Variants in TMEM163 observed in about 807,000 individuals in gnomAD.
TMEM163 encodes the protein transmembrane protein 163.
TMEM163 carries 17 observed loss-of-function variants against 29.3 expected under a neutral mutation model. The observed-to-expected ratio is 0.58, with a 90% CI of 0.40 to 0.87. The LOEUF (loss-of-function observed/expected upper bound fraction) is 0.87. Among genes scored for constraint, TMEM163 ranks in the 40% least tolerant of loss-of-function variants. The pLI is 0.00. For synonymous variants in TMEM163, 157 were observed against 160.6 expected (o/e 0.98, Z 0.17); for missense variants, 303 against 381.5 (o/e 0.79, Z 1.71).
chr2:134,661,264 G>A (rs943860844), intron 2 of TMEM163, among the ~76,000 whole-genome samples: 4 of 152,174 alleles, frequency 2.6e-5, no homozygotes, highest in African/African-American at 9.7e-5. Context: ...AGATGCTGGT[G>A]CCTTGATCTT....
At chr2:134,650,917 C>T (rs1038817736) in intron 2 of TMEM163, among the ~76,000 whole-genome samples, 2 of 127,554 alleles carry the variant, frequency 1.6e-5, no homozygotes, top group Non-Finnish European at 1.6e-5. Flanking sequence ...TGTATATGTG[C>T]CACATTTTCT....
rs557503320 is a variant in TMEM163, at chr2:134,716,848, G to A, written c.202+1886C>T. ...ACCACATACTGGTTGCCATCAGGAA[G>A]AGGTCAAACAAAAGAATGTCACATT... On this transcript the variant is annotated intron_variant, in intron 1 of 7. Coordinates refer to ENST00000281924, the MANE Select transcript of TMEM163 (RefSeq NM_030923.5). Among the ~76,000 whole-genome samples, 5 of 152,312 alleles carry A rather than the reference G, an allele frequency of 3.3e-5. No individual in the cohort carries two copies. The East Asian group carries it at 9.7e-4, about 29-fold the overall frequency.
chr2:134,545,477 C>T (rs1403657736), intron 4 of TMEM163, among the ~76,000 whole-genome samples: 2 of 152,152 alleles, frequency 1.3e-5, no homozygotes, highest in Admixed American at 6.5e-5. Flanking sequence ...GGTGGCTGCC[C>T]CCAGCTTCCT....
intron 2 of TMEM163, among the ~76,000 whole-genome samples, chr2:134,607,066 G>A (rs1324760363): frequency 7.4e-6 from 1 of 135,234 alleles, no homozygotes; most frequent in African/African-American, 2.8e-5. Context: ...CTGTGCTGGT[G>A]AAAAGGAGGA....
chr2:134,692,652 A>G (rs561813975), intron 2 of TMEM163, among the ~76,000 whole-genome samples: 2 of 152,230 alleles, frequency 1.3e-5, no homozygotes, highest in South Asian at 4.2e-4. Context: ...TCCTCAGTGC[A>G]GAGGGTGGAG....
chr2:134,482,778 A>G (rs148677188), intron 5 of TMEM163, among the ~76,000 whole-genome samples: 1 of 152,284 alleles, frequency 6.6e-6, no homozygotes, highest in East Asian at 1.9e-4. Flanking sequence ...ATGGCTTTAC[A>G]ATTTTTAAAT....
At chr2:134,519,824 A>T (rs982394296) in intron 4 of TMEM163, among the ~76,000 whole-genome samples, 19 of 148,740 alleles carry the variant, frequency 1.3e-4, no homozygotes, top group Non-Finnish European at 1.0e-4. Flanking sequence ...TGGGAGGTGG[A>T]GGCAGGAGTG....
At chr2:134,570,788 C>A (rs1195140875) in intron 2 of TMEM163, among the ~76,000 whole-genome samples, 1 of 152,020 alleles carries the variant, frequency 6.6e-6, no homozygotes, top group Non-Finnish European at 1.5e-5. Flanking sequence ...GGGCTAGGAC[C>A]CTTTGGGGTC....
chr2:134,696,671 T>A (rs1342375904), intron 2 of TMEM163, among the ~76,000 whole-genome samples: 4 of 152,240 alleles, frequency 2.6e-5, no homozygotes, highest in Admixed American at 1.3e-4. Context: ...AAATTAAAAA[T>A]GTATTGCTGT....
chr2:134,675,831 C>T (rs1476440069), intron 2 of TMEM163, among the ~76,000 whole-genome samples: 1 of 152,200 alleles, frequency 6.6e-6, no homozygotes, highest in Non-Finnish European at 1.5e-5. Context: ...AAAGCAATCA[C>T]TGATGATTAG....
chr2:134,533,352 T>C (rs961558965), intron 4 of TMEM163, among the ~76,000 whole-genome samples: 2 of 152,132 alleles, frequency 1.3e-5, no homozygotes, highest in African/African-American at 4.8e-5. Context: ...TAGTTGTGTG[T>C]TTGTGTGTGT....
chr2:134,509,081 T>C (rs1157689697), intron 4 of TMEM163, among the ~76,000 whole-genome samples: 1 of 152,152 alleles, frequency 6.6e-6, no homozygotes, highest in Non-Finnish European at 1.5e-5. Context: ...GGGACAAAAG[T>C]CAGCATGAGG....
At position 134,696,361 on chromosome 2, in the gene TMEM163, C is replaced by T. The variant is rs532152508; in HGVS notation, c.322+16839G>A. On this transcript the variant is annotated intron_variant, in intron 2 of 7. Coordinates refer to ENST00000281924, the MANE Select transcript of TMEM163 (RefSeq NM_030923.5). Reference sequence around the variant, plus strand: ...TTTTGAGATATATATGCACCTTGTTCTTGAAAATTATCTTGACTATTCTTA... The same window carrying T: ...TTTTGAGATATATATGCACCTTGTTTTTGAAAATTATCTTGACTATTCTTA... 1.4e-4 allele frequency among the ~76,000 whole-genome samples: 21 copies of T among 152,260 alleles called. 1 individual carries two copies. The highest frequency in any genetic ancestry group is 1.2e-3 in the Admixed American group (18 of 15,290).
At position 134,515,424 on chromosome 2, in the gene TMEM163, A is replaced by T. The variant is rs1574196825; in HGVS notation, c.459-12427T>A. ...TTTTATTTATTTTGATTCCTATAAA[A>T]ATACTCCATAATTTCCTTAGTAACC... On this transcript the variant is annotated intron_variant, in intron 4 of 7. Coordinates refer to ENST00000281924, the MANE Select transcript of TMEM163 (RefSeq NM_030923.5). Among the ~76,000 whole-genome samples the T allele has an allele frequency of 2.0e-5, 3 of 152,292 alleles. No individual in the cohort carries two copies. In the East Asian group the frequency reaches 5.8e-4, roughly 29 times the overall value.
intron 5 of TMEM163, among the ~76,000 whole-genome samples, chr2:134,476,086 T>C (rs970769342): frequency 6.6e-6 from 1 of 152,316 alleles, no homozygotes; most frequent in South Asian, 2.1e-4. Context: ...GTCCAACTAC[T>C]GGTGAATGGA....
Position 134,460,321 on chromosome 2 carries a change from G to A in TMEM163, c.668-2148C>T, listed in dbSNP as rs1686506814. On this transcript the variant is annotated intron_variant, in intron 6 of 7. Transcript: ENST00000281924. The surrounding 1 kb of genome is among the most constrained non-coding windows in gnomAD (Gnocchi z 4.3). ...CACTGGGCTTGTCACCATCACCCAG[G>A]GCCTCCCTCCCAGCCCTGTCCTCAG... Among the ~76,000 whole-genome samples, 1 of 151,818 alleles carries A rather than the reference G, an allele frequency of 6.6e-6. No homozygotes were observed. The highest frequency in any genetic ancestry group is 2.4e-5 in the African/African-American group (1 of 41,318).
At position 134,645,424 on chromosome 2, in the gene TMEM163, C is replaced by CCT. The variant is rs922866483; in HGVS notation, c.322+67775_322+67776insAG. 6.2e-4 allele frequency among the ~76,000 whole-genome samples: 94 copies of CCT among 152,146 alleles called. 2 individuals carry two copies. Among genetic ancestry groups the CCT allele is most frequent in the Non-Finnish European group, 1.6e-4 (11 of 68,046 alleles). ...ACAGAGACCACATGGTCAGCAAGGC[C>CCT]AAAGATACTTACTATCTGGCCCTTT... On this transcript the variant is annotated intron_variant, in intron 2 of 7. Coordinates refer to ENST00000281924, the MANE Select transcript of TMEM163 (RefSeq NM_030923.5).
chr2:134,492,460 C>T (rs1052427665), intron 5 of TMEM163, among the ~76,000 whole-genome samples: 2 of 152,184 alleles, frequency 1.3e-5, no homozygotes, highest in African/African-American at 4.8e-5. Flanking sequence ...AAGCCAGAGA[C>T]TATTTCCGTC....
At chr2:134,539,403 G>A (rs889764281) in intron 4 of TMEM163, among the ~76,000 whole-genome samples, 2 of 152,188 alleles carry the variant, frequency 1.3e-5, no homozygotes, top group East Asian at 1.9e-4. Flanking sequence ...GGAGGTAAAC[G>A]CACCCAGCGG....
Sources: allele counts gnomAD v4.1 joint callset (sites outside exome capture counted in the v4.1 genomes callset), GRCh38; gene constraint gnomAD v4.1.1; non-coding constraint Gnocchi (gnomAD v3.1); transcripts MANE v1.5; gene names NCBI Gene and HGNC (gene_info 2026-07-23, HGNC 2026-07-21).